Variants in NT5DC3 observed in about 807,000 individuals in gnomAD.
The protein encoded by NT5DC3 is 5'-nucleotidase domain containing 3, also known as 5'-nucleotidase domain-containing protein 3.
NT5DC3 carries 42 observed loss-of-function variants against 67.8 expected under a neutral mutation model. That is an observed-to-expected ratio of 0.62 (90% CI 0.48 to 0.80). The LOEUF is 0.80. NT5DC3 is among the 30% of genes least tolerant of loss of function. The pLI, the probability that NT5DC3 is intolerant of heterozygous loss-of-function variation, is 0.00. For synonymous variants in NT5DC3, 237 were observed against 255.6 expected (o/e 0.93, Z 0.69); for missense variants, 570 against 696.4 (o/e 0.82, Z 2.04).
At chr12:103,797,129 A>G in intron 5 of NT5DC3, 98 bp from the exon 6 acceptor site, 1 of 1,272,882 alleles carries the variant, frequency 7.9e-7, no homozygotes, top group Non-Finnish European at 1.1e-6. Context: ...TTCCGTGACT[A>G]AACGAGATCC....
chr12:103,829,272 A>G (rs1887828140), intron 1 of NT5DC3, among the ~76,000 whole-genome samples: 1 of 152,238 alleles, frequency 6.6e-6, no homozygotes, highest in Non-Finnish European at 1.5e-5. Context: ...CAGCTCTGAC[A>G]TCCTAGCACA....
intron 11 of NT5DC3, among the ~76,000 whole-genome samples, chr12:103,786,676 G>GTTCCATT (rs1197061627): frequency 1.9e-5 from 2 of 104,344 alleles, no homozygotes; most frequent in East Asian, 7.0e-4. Flanking sequence ...TTCCTCACTG[G>GTTCCATT]TTTGATTTTT....
chr12:103,828,708 T>A (rs190440147), intron 1 of NT5DC3, among the ~76,000 whole-genome samples: 15 of 150,044 alleles, frequency 1.0e-4, no homozygotes, highest in Admixed American at 2.7e-4. Context: ...TTTTATTTTT[T>A]TTTTTTGGAG....
the NT5DC3 span, chr12:103,758,408 A>C: frequency 5.3e-6 from 8 of 1,498,662 alleles, no homozygotes; most frequent in Non-Finnish European, 7.2e-6. Flanking sequence ...CTCACAGATC[A>C]TCTGCAGATC....
chr12:103,829,384 A>G (rs1211864307), intron 1 of NT5DC3, among the ~76,000 whole-genome samples: 1 of 152,222 alleles, frequency 6.6e-6, no homozygotes, highest in Non-Finnish European at 1.5e-5. Context: ...GTGGTTTGCA[A>G]CCTTTCTTAT....
intron 2 of NT5DC3, among the ~76,000 whole-genome samples, chr12:103,808,914 A>G (rs1336695138): frequency 6.6e-6 from 1 of 152,220 alleles, no homozygotes; most frequent in Non-Finnish European, 1.5e-5. Flanking sequence ...GACACTTTCC[A>G]TGACTTTCTT....
chr12:103,796,772 A>C, intron 6 of NT5DC3, 122 bp downstream of exon 6: 2 of 937,584 alleles, frequency 2.1e-6, no homozygotes, highest in Non-Finnish European at 3.3e-6. Context: ...ACCACATATA[A>C]GAGTTCCCAG....
chr12:103,754,605 A>T, the NT5DC3 span, among the ~76,000 whole-genome samples: 3 of 152,142 alleles, frequency 2.0e-5, no homozygotes, highest in South Asian at 6.2e-4. Context: ...GATGGGGAGG[A>T]TGACAATAAT....
intron 1 of NT5DC3, among the ~76,000 whole-genome samples, chr12:103,822,581 T>C (rs1351714802): frequency 6.6e-6 from 1 of 152,230 alleles, no homozygotes; most frequent in African/African-American, 2.4e-5. Flanking sequence ...GTCATTTTCC[T>C]CTTGTCAGAT....
intron 10 of NT5DC3, among the ~76,000 whole-genome samples, chr12:103,787,839 C>A (rs571515280): frequency 6.6e-6 from 1 of 152,166 alleles, no homozygotes; most frequent in Non-Finnish European, 1.5e-5. Flanking sequence ...CGCCAATTCC[C>A]TGATGTTGGA....
intron 6 of NT5DC3, among the ~76,000 whole-genome samples, chr12:103,796,538 G>C (rs1176400370): frequency 6.6e-6 from 1 of 152,082 alleles, no homozygotes; most frequent in Non-Finnish European, 1.5e-5. Context: ...AAAAAAAGAA[G>C]AGGCACCCTT....
intron 1 of NT5DC3, among the ~76,000 whole-genome samples, chr12:103,816,184 G>A (rs180938519): frequency 6.6e-6 from 1 of 152,264 alleles, no homozygotes; most frequent in African/African-American, 2.4e-5. Flanking sequence ...AAACGTTTGG[G>A]AACAGGACCA....
chr12:103,764,246 T>C, the NT5DC3 span, among the ~76,000 whole-genome samples: 71,529 of 152,116 alleles, frequency 0.47, 17,802 homozygotes, highest in East Asian at 0.88. Flanking sequence ...AGCCACTGCA[T>C]CTGGCCTTAG....
intron 9 of NT5DC3, among the ~76,000 whole-genome samples, chr12:103,791,797 G>A (rs555532660): frequency 3.9e-5 from 6 of 152,304 alleles, no homozygotes; most frequent in South Asian, 2.1e-4. Flanking sequence ...TCAAAGGAGC[G>A]GAACCCTATC....
chr12:103,836,947 G>T (rs1248451048), intron 1 of NT5DC3, among the ~76,000 whole-genome samples: 1 of 152,204 alleles, frequency 6.6e-6, no homozygotes, highest in Non-Finnish European at 1.5e-5. Context: ...CAGTACCCCA[G>T]TAGGGACTCT....
intron 2 of NT5DC3, among the ~76,000 whole-genome samples, chr12:103,814,713 G>A (rs1446229158): frequency 6.6e-6 from 1 of 152,156 alleles, no homozygotes; most frequent in African/African-American, 2.4e-5. Context: ...CTCCACTAAT[G>A]CACATCTTGG....
At chr12:103,758,014 C>T in the NT5DC3 span, 1 of 1,092,634 alleles carries the variant, frequency 9.2e-7, no homozygotes, top group South Asian at 1.6e-5. Flanking sequence ...CAAACTCTCC[C>T]ACGGCGCAGG....
At chr12:103,763,466 GCTTTCATGCTTGT>G in the NT5DC3 span, 2 of 1,609,772 alleles carry the variant, frequency 1.2e-6, no homozygotes, top group Non-Finnish European at 1.7e-6. Context: ...GATGCTCCTG[GCTTTCATGCTTGT>G]CTTTCCAAAC....
intron 2 of NT5DC3, among the ~76,000 whole-genome samples, chr12:103,808,312 T>C (rs1239298224): frequency 6.6e-6 from 1 of 152,236 alleles, no homozygotes; most frequent in Non-Finnish European, 1.5e-5. Context: ...ACTGCCCCTC[T>C]GCCCTCGGAG....
Sources: gnomAD v4.1 joint callset for allele counts (sites outside exome capture counted in the v4.1 genomes callset) on GRCh38, gnomAD v4.1.1 for gene constraint, MANE v1.5 for transcripts, NCBI Gene and HGNC (gene_info 2026-07-23, HGNC 2026-07-21) for gene names.